The following OCA2 variants were observed in gnomAD, a reference collection of about 807,000 sequenced individuals.
OCA2 encodes OCA2 melanosomal transmembrane protein.
Under a neutral mutation model 100.2 loss-of-function variants are expected in OCA2, and 77 were observed. The observed-to-expected ratio is 0.77, with a 90% CI of 0.64 to 0.93. OCA2 has a LOEUF of 0.93. OCA2 is among the 40% of genes least tolerant of loss of function. OCA2 has a pLI of 0.00. For synonymous variants in OCA2, 432 were observed against 439.2 expected (o/e 0.98, Z 0.21); for missense variants, 1,062 against 1,089.1 (o/e 0.98, Z 0.35).
intron 23 of OCA2, among the ~76,000 whole-genome samples, chr15:27,803,772 G>A (rs1186315015): frequency 1.3e-5 from 2 of 152,194 alleles, no homozygotes; most frequent in African/African-American, 4.8e-5. Context: ...TTAAAAAACA[G>A]TGAGATAGCA....
intron 23 of OCA2, among the ~76,000 whole-genome samples, chr15:27,838,964 A>G (rs577793345): frequency 6.6e-6 from 1 of 152,322 alleles, no homozygotes; most frequent in Non-Finnish European, 1.5e-5. Context: ...TTAATCACGG[A>G]TCTAAGAGAA....
chr15:28,041,321 TAAA>T (rs3071601), intron 2 of OCA2, among the ~76,000 whole-genome samples: 9,578 of 145,016 alleles, frequency 0.066, 1,000 homozygotes, highest in African/African-American at 0.23. Context: ...CTTTCATGAT[TAAA>T]AAAAAAAAAA....
intron 21 of OCA2, among the ~76,000 whole-genome samples, chr15:27,869,802 C>T (rs1477261777): frequency 1.3e-5 from 2 of 152,190 alleles, no homozygotes; most frequent in African/African-American, 4.8e-5. Context: ...GATGAATGCA[C>T]AGGATGAAGC....
chr15:27,887,465 C>T (rs1400070254), intron 19 of OCA2, among the ~76,000 whole-genome samples: 1 of 151,416 alleles, frequency 6.6e-6, no homozygotes, highest in Non-Finnish European at 1.5e-5. Flanking sequence ...TGGGGGGCAC[C>T]CCATCCCCTA....
At chr15:27,804,578 T>C (rs2033747810) in intron 23 of OCA2, among the ~76,000 whole-genome samples, 1 of 152,228 alleles carries the variant, frequency 6.6e-6, no homozygotes, top group Non-Finnish European at 1.5e-5. Flanking sequence ...ATTTACACTG[T>C]AGTTTTATTT....
At chr15:27,729,701 T>C in the OCA2 span, among the ~76,000 whole-genome samples, 6 of 152,202 alleles carry the variant, frequency 3.9e-5, no homozygotes, top group African/African-American at 1.4e-4. Flanking sequence ...CTCTAGCTTC[T>C]GTGCGTTTAA....
chr15:27,963,026 TATC>T (rs2040456464), intron 15 of OCA2, among the ~76,000 whole-genome samples: 1 of 152,194 alleles, frequency 6.6e-6, no homozygotes. Flanking sequence ...CAAAGAATAT[TATC>T]ATGGATCGCA....
At chr15:27,797,092 C>T (rs1435637674) in intron 23 of OCA2, among the ~76,000 whole-genome samples, 1 of 152,210 alleles carries the variant, frequency 6.6e-6, no homozygotes, top group African/African-American at 2.4e-5. Flanking sequence ...CCTCCCTTCA[C>T]CTCTTCACCT....
At position 27,986,579 on chromosome 15, in the gene OCA2, A is replaced by C. The variant is rs746969624; in HGVS notation, c.1239+8T>G. 3.5e-5 allele frequency: 54 copies of C among 1,540,244 alleles called. No individual in the cohort carries two copies. The highest frequency in any genetic ancestry group is 4.9e-5 in the Non-Finnish European group (54 of 1,112,206). On this transcript the variant is annotated splice_region_variant and intron_variant, in intron 12 of 23. Coordinates refer to ENST00000354638, the MANE Select transcript of OCA2 (RefSeq NM_000275.3). The stretch of plus-strand genomic sequence containing the variant: ...GGATAGAATTATTAAATGCAACATC[A>C]TACCTACCTTTACAGCACAATAATC...
intron 23 of OCA2, among the ~76,000 whole-genome samples, chr15:27,812,878 A>T (rs1164540697): frequency 6.6e-6 from 1 of 152,108 alleles, no homozygotes. Flanking sequence ...CAGCCAGCCC[A>T]GCAGCTGCTT....
chr15:27,915,351 T>G (rs1010890619), intron 19 of OCA2, among the ~76,000 whole-genome samples: 62 of 152,164 alleles, frequency 4.1e-4, no homozygotes, highest in African/African-American at 1.5e-3. Context: ...AAAACAAAAG[T>G]TGACAAATGG....
chr15:27,919,774 G>A (rs2038792278), intron 19 of OCA2, among the ~76,000 whole-genome samples: 1 of 152,064 alleles, frequency 6.6e-6, no homozygotes, highest in African/African-American at 2.4e-5. Flanking sequence ...TATAAACTAT[G>A]GACTCTGGAT....
At chr15:27,968,684 T>C (rs886670190) in intron 14 of OCA2, among the ~76,000 whole-genome samples, 1 of 152,290 alleles carries the variant, frequency 6.6e-6, no homozygotes, top group Non-Finnish European at 1.5e-5. Flanking sequence ...CTGAAATGCT[T>C]AATCCCTTGC....
chr15:28,089,730 A>G (rs2070455457), intron 1 of OCA2, among the ~76,000 whole-genome samples: 1 of 152,226 alleles, frequency 6.6e-6, no homozygotes, highest in African/African-American at 2.4e-5. Flanking sequence ...TACTTCTAAA[A>G]TAACAGTATA....
chr15:27,828,813 T>G (rs1315938405), intron 23 of OCA2, among the ~76,000 whole-genome samples: 3 of 152,172 alleles, frequency 2.0e-5, no homozygotes, highest in Non-Finnish European at 2.9e-5. Context: ...AGGGTCAGTC[T>G]GGGGTTGCAC....
At chr15:27,933,699 C>T (rs1480024694) in intron 18 of OCA2, among the ~76,000 whole-genome samples, 1 of 152,136 alleles carries the variant, frequency 6.6e-6, no homozygotes, top group African/African-American at 2.4e-5. Flanking sequence ...ACATAAGACT[C>T]ATTGTCCAGA....
intron 19 of OCA2, among the ~76,000 whole-genome samples, chr15:27,887,897 C>G (rs1041395135): frequency 1.3e-5 from 2 of 151,526 alleles, no homozygotes; most frequent in Admixed American, 1.3e-4. Flanking sequence ...ATGGGGGGCA[C>G]CCCATCCCCT....
chr15:28,057,209 T>G (rs757136347), intron 2 of OCA2, among the ~76,000 whole-genome samples: 7 of 152,222 alleles, frequency 4.6e-5, no homozygotes, highest in Non-Finnish European at 1.0e-4. Flanking sequence ...TATGAATACA[T>G]TGAAGAAAGC....
chr15:28,008,959 C>T (rs1433001858), intron 9 of OCA2, among the ~76,000 whole-genome samples: 1 of 152,248 alleles, frequency 6.6e-6, no homozygotes, highest in African/African-American at 2.4e-5. Flanking sequence ...ACCTCCAGTT[C>T]TGGGGAAGCA....
Sources: allele counts gnomAD v4.1 joint callset (sites outside exome capture counted in the v4.1 genomes callset), GRCh38; gene constraint gnomAD v4.1.1; transcripts MANE v1.5; gene names NCBI Gene and HGNC (gene_info 2026-07-23, HGNC 2026-07-21).